The following PRKD3 variants were observed in gnomAD, a reference collection of about 807,000 sequenced individuals.
PRKD3 encodes serine/threonine-protein kinase D3.
Under a neutral mutation model 99.2 loss-of-function variants are expected in PRKD3, and 47 were observed. The observed-to-expected ratio is 0.47, with a 90% CI of 0.38 to 0.60. The LOEUF (loss-of-function observed/expected upper bound fraction) is 0.60, where lower values mean the gene tolerates loss of function less well. Among genes scored for constraint, PRKD3 ranks in the 20% least tolerant of loss-of-function variants. PRKD3 has a pLI of 0.00. For synonymous variants in PRKD3, 392 were observed against 355.4 expected, an observed-to-expected ratio of 1.10 and a Z score of -1.16; for missense variants, 1,019 against 1,088.4, an observed-to-expected ratio of 0.94 and a Z score of 0.90.
At chr2:37,274,809 A>G (rs1383038057) in intron 10 of PRKD3, 112 bp from the exon 11 acceptor site, 1 of 1,044,926 alleles carries the variant, frequency 9.6e-7, no homozygotes, top group Non-Finnish European at 1.4e-6. Flanking sequence ...AGACGGACAC[A>G]AGTATGCAAC....
In PRKD3 at chr2:37,317,066, G is replaced by T; in HGVS notation, c.-542C>A. The T allele has an allele frequency of 1.0e-6, 1 of 985,230 alleles. No individual in the cohort carries two copies. Among genetic ancestry groups the T allele is most frequent in the Non-Finnish European group, 1.2e-6 (1 of 829,974 alleles). The allele number at this position is 985,230 out of a possible 1,614,324, so 61.0% of individuals were successfully genotyped here. On this transcript the variant is annotated 5_prime_UTR_variant, in exon 2 of 19. Transcript: ENST00000234179. ...CTCAAATGTCCTCATTTTCATTCTGGGGGGATGAACTTTTCTATGACGAAA... is the reference window on the plus strand; with the variant it reads ...CTCAAATGTCCTCATTTTCATTCTGTGGGGATGAACTTTTCTATGACGAAA...
chr2:37,324,179 C>G, intron 1 of PRKD3: 2 of 985,366 alleles, frequency 2.0e-6, no homozygotes, highest in Non-Finnish European at 2.4e-6. Flanking sequence ...CTTACATTCT[C>G]CAAGCACCAT....
At chr2:37,258,736 A>T (rs1021968111) in intron 16 of PRKD3, among the ~76,000 whole-genome samples, 1 of 152,272 alleles carries the variant, frequency 6.6e-6, no homozygotes, top group South Asian at 2.1e-4. Context: ...TATGATTACT[A>T]CTTTAAAAGC....
chr2:37,306,272 G>A (rs72863186), intron 2 of PRKD3, among the ~76,000 whole-genome samples: 6,268 of 152,144 alleles, frequency 0.041, 364 homozygotes, highest in African/African-American at 0.13. Context: ...CTCAATTCCA[G>A]TTCTACCTGC....
chr2:37,267,346 T>TAA (rs373745205), intron 14 of PRKD3, 84 bp downstream of exon 14: 7,386 of 774,434 alleles, frequency 9.5e-3, no homozygotes, highest in South Asian at 0.011. Context: ...TTTGCCTTCT[T>TAA]AAAAAAAAAA....
chr2:37,285,000 C>G (rs757089867), intron 6 of PRKD3, among the ~76,000 whole-genome samples: 2 of 152,120 alleles, frequency 1.3e-5, no homozygotes, highest in Non-Finnish European at 2.9e-5. Context: ...CTTACTCTGT[C>G]TTGTAAGCAA....
chr2:37,273,087 T>G (rs1572645092), intron 11 of PRKD3, among the ~76,000 whole-genome samples: 2 of 152,230 alleles, frequency 1.3e-5, no homozygotes, highest in Non-Finnish European at 2.9e-5. Flanking sequence ...GAGGTGGGGT[T>G]GGGGGACAAA....
intron 2 of PRKD3, among the ~76,000 whole-genome samples, chr2:37,313,174 T>C (rs770929342): frequency 1.5e-3 from 230 of 152,298 alleles, no homozygotes; most frequent in Non-Finnish European, 2.2e-3. Flanking sequence ...ATATGGTCTC[T>C]GTCACAGCTA....
chr2:37,286,511 A>G, intron 5 of PRKD3, 142 bp from the exon 6 acceptor site: 8 of 650,592 alleles, frequency 1.2e-5, no homozygotes, highest in Non-Finnish European at 2.0e-5. Flanking sequence ...TTTCCTTTGC[A>G]ATGTTTAATT....
chr2:37,263,101 ATTC>A (rs2148505238), intron 14 of PRKD3, among the ~76,000 whole-genome samples: 1 of 151,848 alleles, frequency 6.6e-6, no homozygotes, highest in Non-Finnish European at 1.5e-5. Flanking sequence ...TTTATTGTTC[ATTC>A]TTCAACTCCT....
intron 17 of PRKD3, among the ~76,000 whole-genome samples, chr2:37,255,858 T>C (rs538383209): frequency 3.8e-4 from 58 of 151,942 alleles, no homozygotes; most frequent in African/African-American, 1.2e-3. Flanking sequence ...ATTTAAAAAT[T>C]AGCCAGGTGT....
chr2:37,267,594 T>C (rs757797943), intron 13 of PRKD3, 58 bp from the exon 14 acceptor site: 3 of 1,238,968 alleles, frequency 2.4e-6, no homozygotes, highest in Non-Finnish European at 3.5e-6. Flanking sequence ...TATTAGGGAG[T>C]TGTCCACAGA....
intron 12 of PRKD3, among the ~76,000 whole-genome samples, chr2:37,270,772 C>T (rs1669196628): frequency 6.6e-6 from 1 of 152,092 alleles, no homozygotes; most frequent in Non-Finnish European, 1.5e-5. Flanking sequence ...TTTTGTTTAA[C>T]CAAATTTTGG....
rs1669471567 is a variant in PRKD3 at position 37,274,668 on chromosome 2, T to A, written c.1404A>T (p.Ile468=). The change falls in exon 11 of 19, where the codon ATA becomes ATT. Residue 468 remains isoleucine, a synonymous_variant. Coordinates refer to ENST00000234179, the MANE Select transcript of PRKD3 (RefSeq NM_005813.6). ...KEIPLSEILR[I]SSPRDFTNIS... ...TGTTTGTGAAATCTCGTGGTGAAGA[T>A]ATGCGGAGAATTTCTGAAAGTGGAA... The A allele has an allele frequency of 6.2e-7, 1 of 1,613,656 alleles. No individual in the cohort carries two copies. The highest frequency in any genetic ancestry group is 8.5e-7 in the Non-Finnish European group (1 of 1,179,730).
intron 17 of PRKD3, 114 bp downstream of exon 17, chr2:37,256,547 AG>A: frequency 5.5e-6 from 7 of 1,267,658 alleles, no homozygotes; most frequent in Non-Finnish European, 7.3e-6. Flanking sequence ...GATGAATGGG[AG>A]ATGTACTAAA....
chr2:37,323,753 G>A (rs934994933), intron 1 of PRKD3, among the ~76,000 whole-genome samples: 2 of 152,172 alleles, frequency 1.3e-5, no homozygotes, highest in African/African-American at 4.8e-5. Flanking sequence ...TGTTCCATTT[G>A]TGGCTATGTC....
intron 5 of PRKD3, among the ~76,000 whole-genome samples, chr2:37,288,871 T>C (rs1670245991): frequency 6.6e-6 from 1 of 152,080 alleles, no homozygotes; most frequent in Non-Finnish European, 1.5e-5. Context: ...CTGTCCAACA[T>C]GGTGAAACCT....
intron 6 of PRKD3, among the ~76,000 whole-genome samples, chr2:37,284,812 T>C (rs910783096): frequency 1.8e-4 from 27 of 152,118 alleles, no homozygotes. Context: ...TTAATTACAC[T>C]TTAAGTTTTA....
At chr2:37,310,107 T>A (rs1352214425) in intron 2 of PRKD3, among the ~76,000 whole-genome samples, 3 of 152,156 alleles carry the variant, frequency 2.0e-5, no homozygotes, top group African/African-American at 4.8e-5. Context: ...GATTTTGACA[T>A]ATGTATATAT....
Sources: gnomAD v4.1 joint callset for allele counts (sites outside exome capture counted in the v4.1 genomes callset) on GRCh38, gnomAD v4.1.1 for gene constraint, MANE v1.5 for transcripts, NCBI Gene and HGNC (gene_info 2026-07-23, HGNC 2026-07-21) for gene names.